The following CNOT10 variants were observed in gnomAD, a reference collection of about 807,000 sequenced individuals.
The protein encoded by CNOT10 is CCR4-NOT transcription complex subunit 10.
Under a neutral mutation model 94.6 loss-of-function variants are expected in CNOT10, and 30 were observed. That is an observed-to-expected ratio of 0.32 (90% CI 0.24 to 0.43). The LOEUF (loss-of-function observed/expected upper bound fraction) is 0.43. CNOT10 is among the 20% of genes least tolerant of loss of function. The probability of loss-of-function intolerance (pLI) is 1.00; values close to 1 mark genes in which losing one functional copy is unlikely to be tolerated. For synonymous variants in CNOT10, 289 were observed against 301.6 expected (o/e 0.96, Z 0.43); for missense variants, 759 against 877.2 (o/e 0.87, Z 1.70).
rs1368279202 is a variant in CNOT10 at position 32,701,046 on chromosome 3, A to G, written c.23-2822A>G. ...CCTAGCACTTTGGGAGGCTGAGGCCAGCAGTCACCTGGGAGGTCAGAAGTT... is the reference window on the plus strand; with the variant it reads ...CCTAGCACTTTGGGAGGCTGAGGCCGGCAGTCACCTGGGAGGTCAGAAGTT... On this transcript the variant is annotated intron_variant, in intron 1 of 18. Coordinates refer to ENST00000328834, the MANE Select transcript of CNOT10 (RefSeq NM_015442.3). Among the ~76,000 whole-genome samples the G allele has an allele frequency of 8.5e-5, 13 of 152,304 alleles. No individual in the cohort carries two copies. In the East Asian group the frequency reaches 1.7e-3, roughly 20 times the overall value.
chr3:32,724,237 C>T (rs1388551007), intron 8 of CNOT10, among the ~76,000 whole-genome samples: 1 of 135,788 alleles, frequency 7.4e-6, no homozygotes, highest in Non-Finnish European at 1.6e-5. Flanking sequence ...ATACTCTGTT[C>T]TGTTCCTTTT....
intron 8 of CNOT10, among the ~76,000 whole-genome samples, chr3:32,724,968 A>C (rs1698602264): frequency 6.6e-6 from 1 of 152,200 alleles, no homozygotes; most frequent in Admixed American, 6.5e-5. Flanking sequence ...TCATTAGTGG[A>C]TGCAATGCAT....
Position 32,704,015 on chromosome 3 carries a change from G to C in CNOT10, c.117+53G>C, listed in dbSNP as rs1697496510. The C allele has an allele frequency of 5.5e-6, 6 of 1,099,104 alleles. No homozygotes were observed. In the East Asian group the frequency reaches 1.5e-4, roughly 27 times the overall value. 68.1% of individuals were successfully genotyped at this position (1,099,104 alleles called of 1,614,324 possible). A position where few individuals can be genotyped will look rare whatever the true frequency, so the allele number is the denominator to read the frequency against. ...CAAGTTGTAGGGTTCTGTCAAGTAT[G>C]AATCTTTTCATAGTGAATTTTTAAA... is the stretch of plus-strand genomic sequence containing the variant. On this transcript the variant is annotated intron_variant, in intron 2 of 18. Coordinates refer to ENST00000328834, the MANE Select transcript of CNOT10 (RefSeq NM_015442.3).
chr3:32,733,569 G>A (rs776818532), intron 11 of CNOT10, 25 bp downstream of exon 11: 3 of 1,407,778 alleles, frequency 2.1e-6, no homozygotes, highest in Non-Finnish European at 1.9e-6. Flanking sequence ...AAGAAAAAGT[G>A]TATATATATT....
chr3:32,764,793 G>T lies in CNOT10; in HGVS notation c.1988G>T (p.Arg663Leu). The part of the protein sequence containing the change: ...YCLRSEYDKA[R>L]KCLHQAASMI... ...CTGAGGAGCGAATATGACAAAGCCC[G>T]AAAGTGTCTCCACCAGGTGAGTCCA... The change falls in exon 17 of 19, where the codon CGA becomes CTA. Residue 663 changes from arginine (R) to leucine (L), a missense_variant. Arg to Leu is a moderately radical substitution (Grantham distance 102, BLOSUM62 -2). Around this residue, in one of 3 missense-constraint regions of CNOT10, gnomAD observed 682 missense variants for 799.4 expected, o/e 0.85. Coordinates refer to ENST00000328834, the MANE Select transcript of CNOT10 (RefSeq NM_015442.3). The T allele has an allele frequency of 6.2e-7, 1 of 1,614,176 alleles. No individual in the cohort carries two copies. Among genetic ancestry groups the T allele is most frequent in the Non-Finnish European group, 8.5e-7 (1 of 1,180,022 alleles).
In CNOT10 at chr3:32,704,808, T is replaced by A; in HGVS notation, c.118-3T>A. On this transcript the variant is annotated splice_region_variant and splice_polypyrimidine_tract_variant and intron_variant, in intron 2 of 18. Transcript: ENST00000328834. ...GTGTGTGTGTGTGGTTTTTTTTTTTTAGTCTGGAAATTATGATGCCTGTCT... is the reference window on the plus strand; with the variant it reads ...GTGTGTGTGTGTGGTTTTTTTTTTTAAGTCTGGAAATTATGATGCCTGTCT... The A allele has an allele frequency of 6.4e-7, 1 of 1,564,040 alleles. No individual in the cohort carries two copies. The highest frequency in any genetic ancestry group is 8.6e-7 in the Non-Finnish European group (1 of 1,165,506).
Position 32,720,901 on chromosome 3 carries a change from TCC to T in CNOT10, c.862+671_862+672del, listed in dbSNP as rs1221860139. On this transcript the variant is annotated intron_variant, in intron 8 of 18. Coordinates refer to ENST00000328834, the MANE Select transcript of CNOT10 (RefSeq NM_015442.3). ...CTTTCTTTTCCTTCTTTTCCTTCCT[TCC>T]TTCCTTCCTTCCTTCCTTCCTTCCT... Among the ~76,000 whole-genome samples the T allele has an allele frequency of 5.0e-4, 35 of 70,074 alleles. No individual in the cohort carries two copies. The East Asian group carries it at 8.1e-3, about 16-fold the overall frequency. 46.0% of individuals were successfully genotyped at this position (70,074 alleles called of 152,430 possible). A position where few individuals can be genotyped will look rare whatever the true frequency, so the allele number is the denominator to read the frequency against.
At chr3:32,700,113 C>A (rs1052279590) in intron 1 of CNOT10, among the ~76,000 whole-genome samples, 2 of 151,702 alleles carry the variant, frequency 1.3e-5, no homozygotes, top group Non-Finnish European at 2.9e-5. Context: ...GTAGCTGAGA[C>A]TGCAGGCATG....
chr3:32,750,372 A>G (rs933954928), intron 13 of CNOT10, among the ~76,000 whole-genome samples: 2 of 151,886 alleles, frequency 1.3e-5, no homozygotes, highest in Non-Finnish European at 2.9e-5. Flanking sequence ...TTGTGTGCCT[A>G]TAGTCTCAGC....
intron 4 of CNOT10, among the ~76,000 whole-genome samples, chr3:32,710,470 C>A (rs1035721043): frequency 6.6e-5 from 10 of 152,028 alleles, no homozygotes; most frequent in Non-Finnish European, 1.5e-4. Context: ...AATTGATAAA[C>A]CTACATTGAT....
intron 13 of CNOT10, chr3:32,752,992 AG>A: frequency 2.1e-6 from 1 of 472,890 alleles, no homozygotes; most frequent in Non-Finnish European, 4.2e-6. Flanking sequence ...GAGGACCCCC[AG>A]GCGGCATTAG....
intron 1 of CNOT10, among the ~76,000 whole-genome samples, chr3:32,697,596 A>G (rs1472363130): frequency 2.0e-5 from 3 of 152,066 alleles, no homozygotes; most frequent in African/African-American, 4.8e-5. Context: ...TCACCTCCCC[A>G]AGTAGCTGGG....
intron 1 of CNOT10, among the ~76,000 whole-genome samples, chr3:32,693,219 TTTAA>T (rs1209468895): frequency 5.9e-5 from 9 of 152,128 alleles, no homozygotes; most frequent in Non-Finnish European, 1.0e-4. Context: ...CTTTTTTAAA[TTTAA>T]TTAATTTTTT....
chr3:32,772,143 G>A (rs1210095366), intron 18 of CNOT10, among the ~76,000 whole-genome samples: 1 of 152,166 alleles, frequency 6.6e-6, no homozygotes, highest in Admixed American at 6.5e-5. Context: ...GAGGTCAGGA[G>A]ATCGAGACCA....
rs535761400 is a variant in CNOT10 at position 32,710,010 on chromosome 3, G to A, written c.430+1190G>A. Reference sequence around the variant, plus strand: ...AAAAATACAAAATTAGCCAGGTGTGGTGGCACATGCCTGTAATCCCAGCTA... The same window carrying A: ...AAAAATACAAAATTAGCCAGGTGTGATGGCACATGCCTGTAATCCCAGCTA... On this transcript the variant is annotated intron_variant, in intron 4 of 18. Coordinates refer to ENST00000328834, the MANE Select transcript of CNOT10 (RefSeq NM_015442.3). 2.6e-5 allele frequency among the ~76,000 whole-genome samples: 4 copies of A among 152,140 alleles called. No individual in the cohort carries two copies. The South Asian group carries it at 6.2e-4, about 24-fold the overall frequency.
chr3:32,764,296 C>T (rs1269349239), intron 15 of CNOT10, 159 bp from the exon 16 acceptor site: 2 of 658,366 alleles, frequency 3.0e-6, no homozygotes, highest in African/African-American at 1.9e-5. Context: ...GAGATCATGC[C>T]CCTGCACTCC....
At chr3:32,763,572 C>T (rs898534180) in intron 15 of CNOT10, among the ~76,000 whole-genome samples, 6 of 151,808 alleles carry the variant, frequency 4.0e-5, no homozygotes, top group Non-Finnish European at 5.9e-5. Flanking sequence ...ATCGCTTGCA[C>T]CTGAGAGGTG....
At position 32,713,228 on chromosome 3, in the gene CNOT10, A is replaced by G. The variant is rs760348130; in HGVS notation, c.432A>G (p.Glu144=). 5.6e-5 allele frequency: 87 copies of G among 1,562,718 alleles called. No individual in the cohort carries two copies. Among genetic ancestry groups the G allele is most frequent in the Non-Finnish European group, 7.3e-5 (85 of 1,165,238 alleles). ...TTTTCTGTGTTTTTTTTCTCCCAGA[A>G]GAAAAATTTGCCCAAGCAGTGTGTT... The part of the protein sequence containing the change: ...EKLYQFIEPF[E]EKFAQAVCFL... The change falls in exon 5 of 19, where the codon GAA becomes GAG. Residue 144 remains glutamate, a splice_region_variant and synonymous_variant. Transcript: ENST00000328834.
chr3:32,736,302 G>C (rs557799158), intron 12 of CNOT10, among the ~76,000 whole-genome samples: 1 of 152,072 alleles, frequency 6.6e-6, no homozygotes, highest in Non-Finnish European at 1.5e-5. Context: ...GTCCAGGATG[G>C]TCTTGAACTC....
Sources: gnomAD v4.1 joint callset for allele counts (sites outside exome capture counted in the v4.1 genomes callset) on GRCh38, gnomAD v4.1.1 for gene constraint, gnomAD v4.1.1 regional missense constraint, MANE v1.5 for transcripts, NCBI Gene and HGNC (gene_info 2026-07-23, HGNC 2026-07-21) for gene names.